Variants in CDH6 observed in about 807,000 individuals in gnomAD.
The protein encoded by CDH6 is cadherin-6.
Under a neutral mutation model 78.0 loss-of-function variants are expected in CDH6, and 31 were observed. The observed-to-expected ratio is 0.40, with a 90% CI of 0.30 to 0.54. CDH6 has a LOEUF of 0.54. CDH6 is among the 20% of genes least tolerant of loss of function. The probability of loss-of-function intolerance (pLI) is 0.56; values close to 1 mark genes in which losing one functional copy is unlikely to be tolerated. For missense variants in CDH6, 724 were observed against 975.9 expected, an observed-to-expected ratio of 0.74 and a Z score of 3.44; for synonymous variants, 376 against 368.8, an observed-to-expected ratio of 1.02 and a Z score of -0.23.
chr5:31,310,159 C>A (rs1307899322), intron 7 of CDH6, among the ~76,000 whole-genome samples: 7 of 152,178 alleles, frequency 4.6e-5, no homozygotes, highest in African/African-American at 1.7e-4. Flanking sequence ...AAGTTAGTTA[C>A]TTCCATACAA....
chr5:31,228,204 C>T (rs1451278790), intron 1 of CDH6, among the ~76,000 whole-genome samples: 1 of 152,184 alleles, frequency 6.6e-6, no homozygotes, highest in African/African-American at 2.4e-5. Flanking sequence ...CTTTTAAGGT[C>T]TAAGGACCTT....
At chr5:31,266,958 C>T (rs762571165) in intron 1 of CDH6, among the ~76,000 whole-genome samples, 2 of 152,208 alleles carry the variant, frequency 1.3e-5, no homozygotes, top group Non-Finnish European at 2.9e-5. Context: ...CTGTGATATA[C>T]TTTGCCTTAA....
chr5:31,289,684 A>T (rs1296399147), intron 2 of CDH6, among the ~76,000 whole-genome samples: 3 of 152,214 alleles, frequency 2.0e-5, no homozygotes, highest in Non-Finnish European at 1.5e-5. Flanking sequence ...CGGAGATTGC[A>T]TTTGGTCACT....
At chr5:31,249,028 A>C (rs1322295873) in intron 1 of CDH6, among the ~76,000 whole-genome samples, 1 of 152,218 alleles carries the variant, frequency 6.6e-6, no homozygotes, top group Non-Finnish European at 1.5e-5. Context: ...CTCACCACGA[A>C]AATAATAATG....
rs79070338 is a variant in CDH6 at position 31,325,642 on chromosome 5, A to G, written c.*2334A>G. 4.3e-6 allele frequency: 1 copy of G among 230,954 alleles called. No homozygotes were observed. Among genetic ancestry groups the G allele is most frequent in the South Asian group, 1.8e-4 (1 of 5,504 alleles). 14.3% of individuals were successfully genotyped at this position (230,954 alleles called of 1,614,324 possible). On this transcript the variant is annotated 3_prime_UTR_variant, in exon 12 of 12. Coordinates refer to ENST00000265071, the MANE Select transcript of CDH6 (RefSeq NM_004932.4). ...TTCCAATGTTTAAAGGTAAGATCTG[A>G]GTTCTCCTAATAAGTAAAAGTAAGT...
chr5:31,303,796 T>C (rs995209834), intron 6 of CDH6, among the ~76,000 whole-genome samples: 12 of 152,142 alleles, frequency 7.9e-5, no homozygotes, highest in African/African-American at 2.7e-4. Flanking sequence ...TGTCTTAATA[T>C]CTGGAAACAC....
At position 31,323,910 on chromosome 5, in the gene CDH6, A is replaced by C; in HGVS notation, c.*602A>C. ...AATTCTCATTACTCTTAAGGAATAGAAGCAAATTAAACGGTAACATCCAAA... is the reference window on the plus strand; with the variant it reads ...AATTCTCATTACTCTTAAGGAATAGCAGCAAATTAAACGGTAACATCCAAA... On this transcript the variant is annotated 3_prime_UTR_variant, in exon 12 of 12. Transcript: ENST00000265071. 4.4e-6 allele frequency: 1 copy of C among 229,570 alleles called. No individual in the cohort carries two copies. The highest frequency in any genetic ancestry group is 8.6e-6 in the Non-Finnish European group (1 of 115,788). 14.2% of individuals were successfully genotyped at this position (229,570 alleles called of 1,614,324 possible). A position where few individuals can be genotyped will look rare whatever the true frequency, so the allele number is the denominator to read the frequency against.
chr5:31,286,531 G>T (rs562218872), intron 2 of CDH6, among the ~76,000 whole-genome samples: 50 of 152,330 alleles, frequency 3.3e-4, no homozygotes, highest in African/African-American at 1.1e-3. Flanking sequence ...CAAGAAGTAG[G>T]GTATGGCTGG....
chr5:31,289,150 G>T (rs1579886476), intron 2 of CDH6, among the ~76,000 whole-genome samples: 1 of 152,224 alleles, frequency 6.6e-6, no homozygotes, highest in African/African-American at 2.4e-5. Flanking sequence ...GAGTCCCAGA[G>T]TCTATTTTCC....
At chr5:31,199,491 C>T (rs1224314964) in intron 1 of CDH6, among the ~76,000 whole-genome samples, 1 of 99,474 alleles carries the variant, frequency 1.0e-5, no homozygotes, top group African/African-American at 3.8e-5. Flanking sequence ...TATATATGTA[C>T]ACACACATAT....
At position 31,322,913 on chromosome 5, in the gene CDH6, A is replaced by G. The variant is rs1370662646; in HGVS notation, c.1978A>G (p.Asn660Asp). 1 of 1,614,186 alleles carries G rather than the reference A, an allele frequency of 6.2e-7. No individual in the cohort carries two copies. Among genetic ancestry groups the G allele is most frequent in the Non-Finnish European group, 8.5e-7 (1 of 1,180,010 alleles). The change falls in exon 12 of 12, where the codon AAC (asparagine) becomes GAC (aspartate). Residue 660 changes from asparagine to aspartate, a missense_variant. Asn to Asp is a conservative substitution (Grantham distance 23, BLOSUM62 1). Coordinates refer to ENST00000265071, the MANE Select transcript of CDH6 (RefSeq NM_004932.4). The part of the protein sequence containing the change: ...EDIRDNIVSY[N>D]DEGGGEEDTQ... ...CATCAGAGATAACATTGTCAGTTAC[A>G]ACGACGAAGGTGGTGGAGAGGAGGA...
intron 1 of CDH6, among the ~76,000 whole-genome samples, chr5:31,209,804 T>G (rs959092976): frequency 3.9e-5 from 6 of 152,212 alleles, no homozygotes; most frequent in Non-Finnish European, 8.8e-5. Context: ...CCTCCTGCTA[T>G]CCTCAGCATC....
chr5:31,305,121 T>C (rs1477561694), intron 6 of CDH6, 53 bp from the exon 7 acceptor site: 27 of 1,553,280 alleles, frequency 1.7e-5, no homozygotes, highest in Middle Eastern at 3.5e-4. Context: ...CTTGGCTTTC[T>C]GTGTCTTGGC....
intron 8 of CDH6, 110 bp downstream of exon 8, chr5:31,313,564 T>C: frequency 9.6e-7 from 1 of 1,041,452 alleles, no homozygotes; most frequent in Admixed American, 2.3e-5. Context: ...ACTTGATATA[T>C]ATTGAGGGAA....
At chr5:31,195,827 C>A (rs921010374) in intron 1 of CDH6, among the ~76,000 whole-genome samples, 1 of 152,164 alleles carries the variant, frequency 6.6e-6, no homozygotes, top group African/African-American at 2.4e-5. Flanking sequence ...CTTTTCCCAC[C>A]TAATGTAATG....
rs759884072 is a variant in CDH6, at chr5:31,322,939, C to T, written c.2004C>T (p.Asp668=). Residue 668 remains aspartate, a synonymous_variant, in exon 12 of 12, where the codon GAC becomes GAT. Transcript: ENST00000265071. The stretch of plus-strand genomic sequence containing the variant: ...ACGACGAAGGTGGTGGAGAGGAGGA[C>T]ACCCAGGCTTTTGATATCGGCACCC... The part of the protein sequence containing the change: ...SYNDEGGGEE[D]TQAFDIGTLR... 2 of 1,614,004 alleles carry T rather than the reference C, an allele frequency of 1.2e-6. No homozygotes were observed. Among genetic ancestry groups the T allele is most frequent in the Non-Finnish European group, 1.7e-6 (2 of 1,180,022 alleles).
At chr5:31,258,706 C>T (rs1325302424) in intron 1 of CDH6, among the ~76,000 whole-genome samples, 1 of 152,080 alleles carries the variant, frequency 6.6e-6, no homozygotes, top group Admixed American at 6.5e-5. Flanking sequence ...GTGTGTAGAG[C>T]ATTTATCCCA....
intron 1 of CDH6, among the ~76,000 whole-genome samples, chr5:31,254,655 G>A (rs1022613899): frequency 1.3e-5 from 2 of 152,204 alleles, no homozygotes; most frequent in Non-Finnish European, 2.9e-5. Flanking sequence ...AACTGTACCA[G>A]TTATGCTGTT....
intron 3 of CDH6, among the ~76,000 whole-genome samples, chr5:31,296,524 T>A (rs1265087225): frequency 1.3e-5 from 2 of 152,204 alleles, no homozygotes; most frequent in Middle Eastern, 3.2e-3. Flanking sequence ...GTTTGTGCTT[T>A]GCTGTTCCAA....
Sources: allele counts gnomAD v4.1 joint callset (sites outside exome capture counted in the v4.1 genomes callset), GRCh38; gene constraint gnomAD v4.1.1; transcripts MANE v1.5; gene names NCBI Gene and HGNC (gene_info 2026-07-23, HGNC 2026-07-21).